Variants in AFF2 observed in about 807,000 individuals in gnomAD.
AFF2 encodes ALF transcription elongation factor 2.
Under a neutral mutation model 76.9 loss-of-function variants are expected in AFF2, and 14 were observed. The observed-to-expected ratio is 0.18, with a 90% CI of 0.12 to 0.28. AFF2 has a LOEUF of 0.28. Ranked by LOEUF, AFF2 falls within the 10% of genes least tolerant of loss-of-function variation. The probability of loss-of-function intolerance (pLI) is 1.00; values close to 1 mark genes in which losing one functional copy is unlikely to be tolerated. For synonymous variants in AFF2, 398 were observed against 366.7 expected (o/e 1.09, Z -0.98); for missense variants, 868 against 1,001.1 (o/e 0.87, Z 1.79).
intron 7 of AFF2, among the ~76,000 whole-genome samples, chrX:148,846,447 A>G (rs1557274760): frequency 8.9e-6 from 1 of 112,538 alleles, no homozygotes; most frequent in Non-Finnish European, 1.9e-5. Flanking sequence ...ATTAATGAGT[A>G]TATGTGTCTA....
intron 1 of AFF2, among the ~76,000 whole-genome samples, chrX:148,623,783 A>G (rs1418590385): frequency 1.8e-5 from 2 of 110,634 alleles, no homozygotes; most frequent in African/African-American, 6.6e-5. Context: ...ACAGAGTTTC[A>G]AACTGCATCA....
Position 148,659,554 on chromosome X carries a change from C to T in AFF2, c.181-2354C>T, listed in dbSNP as rs781978972. ...TGGGAAGTGAAATGGTGTTGTTTTCCCTTGTTGAGTCAGATCATTGAATAT... is the reference window on the plus strand; with the variant it reads ...TGGGAAGTGAAATGGTGTTGTTTTCTCTTGTTGAGTCAGATCATTGAATAT... On this transcript the variant is annotated intron_variant, in intron 2 of 20. Transcript: ENST00000370460. 9.8e-5 allele frequency among the ~76,000 whole-genome samples: 11 copies of T among 112,252 alleles called. No individual in the cohort carries two copies. In the East Asian group the frequency reaches 3.1e-3, roughly 31 times the overall value.
chrX:148,826,894 T>G (rs2070394809), intron 4 of AFF2, among the ~76,000 whole-genome samples: 1 of 111,345 alleles, frequency 9.0e-6, no homozygotes, highest in Non-Finnish European at 1.9e-5. Context: ...GTTGTTAAAT[T>G]CAGACTACTG....
chrX:148,729,106 C>A (rs1557264468), intron 3 of AFF2, among the ~76,000 whole-genome samples: 1 of 111,823 alleles, frequency 8.9e-6, no homozygotes, highest in Non-Finnish European at 1.9e-5. Context: ...TAAACATTGT[C>A]TTTGCCTGCC....
intron 3 of AFF2, among the ~76,000 whole-genome samples, chrX:148,737,196 T>A (rs145955906): frequency 1.2e-3 from 135 of 111,701 alleles, no homozygotes; most frequent in Non-Finnish European, 2.0e-3. Context: ...AATTTGTAGA[T>A]TGCTTTCGGC....
chrX:148,839,574 G>T (rs2070571266), intron 5 of AFF2, among the ~76,000 whole-genome samples: 1 of 111,414 alleles, frequency 9.0e-6, no homozygotes, highest in African/African-American at 3.3e-5. Flanking sequence ...GGCACCAGCG[G>T]TCATACTGTC....
chrX:148,592,243 T>G (rs895500198), intron 1 of AFF2, among the ~76,000 whole-genome samples: 2 of 111,715 alleles, frequency 1.8e-5, no homozygotes, highest in Non-Finnish European at 3.8e-5. Context: ...GCAGATTTTG[T>G]CCCAGGATTA....
rs782757449 is a variant in AFF2 at position 148,658,916 on chromosome X, T to A, written c.181-2992T>A. Among the ~76,000 whole-genome samples the A allele has an allele frequency of 3.1e-3, 347 of 112,247 alleles. 1 individual carries two copies. Among genetic ancestry groups the A allele is most frequent in the Non-Finnish European group, 5.0e-3 (267 of 53,224 alleles). On this transcript the variant is annotated intron_variant, in intron 2 of 20. Coordinates refer to ENST00000370460, the MANE Select transcript of AFF2 (RefSeq NM_002025.4). ...TTTTAATTTATCCTGTTCAATTCTG[T>A]AAAAATGTATTGAGTATTTGATTAG...
At chrX:148,645,717 G>A (rs2054137556) in intron 1 of AFF2, among the ~76,000 whole-genome samples, 2 of 112,053 alleles carry the variant, frequency 1.8e-5, no homozygotes, top group African/African-American at 6.5e-5. Flanking sequence ...AAGCAAATAT[G>A]TTTTCCTTAT....
chrX:148,687,729 G>A (rs1051219297), intron 3 of AFF2, among the ~76,000 whole-genome samples: 2 of 110,122 alleles, frequency 1.8e-5, no homozygotes, highest in African/African-American at 3.3e-5. Context: ...GAGGTGTGTC[G>A]CTTTGTTTAA....
At chrX:148,834,647 C>T (rs782372387) in intron 4 of AFF2, among the ~76,000 whole-genome samples, 2 of 110,776 alleles carry the variant, frequency 1.8e-5, no homozygotes, top group South Asian at 7.8e-4. Context: ...ATTTTGGGAG[C>T]AGGGGCTCAT....
intron 1 of AFF2, among the ~76,000 whole-genome samples, chrX:148,511,078 A>G (rs782515418): frequency 1.2e-4 from 14 of 112,002 alleles, no homozygotes; most frequent in Non-Finnish European, 2.3e-4. Flanking sequence ...CTTGCCAGGA[A>G]TACCGTAGGG....
At chrX:148,579,316 C>A in intron 1 of AFF2, among the ~76,000 whole-genome samples, 1 of 111,700 alleles carries the variant, frequency 9.0e-6, no homozygotes. Flanking sequence ...AGATTGGCTC[C>A]AATATATTTG....
chrX:148,826,365 G>T (rs1183493686), intron 4 of AFF2, among the ~76,000 whole-genome samples: 2 of 109,195 alleles, frequency 1.8e-5, no homozygotes, highest in Non-Finnish European at 3.8e-5. Context: ...TAGTCTTCTT[G>T]TGTGATTGTT....
At chrX:148,722,136 T>C (rs2055100573) in intron 3 of AFF2, among the ~76,000 whole-genome samples, 1 of 111,125 alleles carries the variant, frequency 9.0e-6, no homozygotes, top group Non-Finnish European at 1.9e-5. Context: ...GTATACTAGG[T>C]GCTGATCTTG....
chrX:148,507,360 A>AT (rs2052431831), intron 1 of AFF2, among the ~76,000 whole-genome samples: 1 of 112,594 alleles, frequency 8.9e-6, no homozygotes, highest in Admixed American at 9.4e-5. Flanking sequence ...ATTCCAAGAT[A>AT]TGTTTAGCCC....
At chrX:148,928,478 T>A (rs782310123) in intron 9 of AFF2, among the ~76,000 whole-genome samples, 24 of 113,060 alleles carry the variant, frequency 2.1e-4, no homozygotes, top group Non-Finnish European at 3.7e-4. Context: ...GCTTCTTGGA[T>A]TTATTAAGCC....
chrX:148,559,436 C>T (rs1001487790), intron 1 of AFF2, among the ~76,000 whole-genome samples: 5 of 110,850 alleles, frequency 4.5e-5, no homozygotes, highest in Non-Finnish European at 9.4e-5. Flanking sequence ...CCCCTCACCC[C>T]GTGACAGGCC....
chrX:148,940,844 A>G (rs2071825631), intron 9 of AFF2, among the ~76,000 whole-genome samples: 1 of 111,643 alleles, frequency 9.0e-6, no homozygotes, highest in Non-Finnish European at 1.9e-5. Context: ...CCCTAACATG[A>G]GGAAATTGTG....
Sources: allele counts gnomAD v4.1 joint callset (sites outside exome capture counted in the v4.1 genomes callset), GRCh38; gene constraint gnomAD v4.1.1; transcripts MANE v1.5; gene names NCBI Gene and HGNC (gene_info 2026-07-23, HGNC 2026-07-21).